PPP2R2B: variants seen among roughly 807,000 people sequenced by gnomAD.
PPP2R2B encodes serine/threonine-protein phosphatase 2A 55 kDa regulatory subunit B beta isoform.
A neutral mutation model predicts 46.0 loss-of-function variants in PPP2R2B; 5 were observed. The ratio of observed to expected loss-of-function variants is 0.11; its 90% CI spans 0.06 to 0.23. The LOEUF is 0.23. Ranked by LOEUF, PPP2R2B falls within the 10% of genes least tolerant of loss-of-function variation. PPP2R2B has a pLI of 1.00. For synonymous variants in PPP2R2B, 215 were observed against 206.7 expected, an observed-to-expected ratio of 1.04 and a Z score of -0.34; for missense variants, 367 against 575.0, an observed-to-expected ratio of 0.64 and a Z score of 3.70.
At chr5:146,592,009 T>C in intron 9 of PPP2R2B, 6 of 336,418 alleles carry the variant, frequency 1.8e-5, no homozygotes, top group South Asian at 1.3e-4. Flanking sequence ...TGAGCAATAA[T>C]AACAGATATG....
rs569203114 is a variant in PPP2R2B at position 146,581,092 on chromosome 5, T to G, written c.*8855A>C. Reference sequence around the variant, plus strand: ...TCATCAAGAAACATCACAAATTACCTCTATTAGTCTGTTCTTGCATTGCTA... The same window carrying G: ...TCATCAAGAAACATCACAAATTACCGCTATTAGTCTGTTCTTGCATTGCTA... On this transcript the variant is annotated 3_prime_UTR_variant, in exon 10 of 10. Transcript: ENST00000394411. The G allele has an allele frequency of 3.9e-5, 6 of 152,282 alleles. No individual in the cohort carries two copies. The South Asian group carries it at 1.2e-3, about 32-fold the overall frequency. 9.4% of individuals were successfully genotyped at this position (152,282 alleles called of 1,614,324 possible).
chr5:146,959,484 A>G (rs1035828994), intron 1 of PPP2R2B, among the ~76,000 whole-genome samples: 1 of 152,192 alleles, frequency 6.6e-6, no homozygotes, highest in Non-Finnish European at 1.5e-5. Context: ...ATCTCCACCC[A>G]GTACCTCACC....
At position 146,983,958 on chromosome 5, in the gene PPP2R2B, A is replaced by G. The variant is rs1324903773; in HGVS notation, c.79+71707T>C. Among the ~76,000 whole-genome samples, 5 of 152,106 alleles carry G rather than the reference A, an allele frequency of 3.3e-5. No individual in the cohort carries two copies. The East Asian group carries it at 9.6e-4, about 29-fold the overall frequency. ...TATTCTTTCTAAACATTTTTATTAT[A>G]AATTAATAATTTATAACTAAATGTA... On this transcript the variant is annotated intron_variant, in intron 1 of 8. Coordinates refer to the PPP2R2B transcript ENST00000336640.
chr5:146,897,580 C>G (rs1372962170), intron 1 of PPP2R2B, among the ~76,000 whole-genome samples: 1 of 152,088 alleles, frequency 6.6e-6, no homozygotes, highest in African/African-American at 2.4e-5. Flanking sequence ...TCACATATGA[C>G]TTGGCAATGG....
intron 6 of PPP2R2B, among the ~76,000 whole-genome samples, chr5:146,644,623 C>A (rs1775457587): frequency 6.6e-6 from 1 of 152,048 alleles, no homozygotes; most frequent in Non-Finnish European, 1.5e-5. Context: ...AAAATGGGGA[C>A]CAGAGATTGG....
intron 1 of PPP2R2B, among the ~76,000 whole-genome samples, chr5:146,906,832 C>T (rs1023396801): frequency 7.9e-5 from 12 of 152,176 alleles, no homozygotes; most frequent in Non-Finnish European, 1.5e-4. Context: ...ACACTGTATG[C>T]CCTTGTCAAA....
intron 1 of PPP2R2B, among the ~76,000 whole-genome samples, chr5:146,943,897 C>A (rs781111874): frequency 5.9e-5 from 9 of 152,172 alleles, no homozygotes; most frequent in Non-Finnish European, 1.2e-4. Context: ...CTTCTTCACA[C>A]TGGCCTTTTA....
At chr5:146,871,918 T>A (rs190389509) in intron 2 of PPP2R2B, among the ~76,000 whole-genome samples, 432 of 152,338 alleles carry the variant, frequency 2.8e-3, no homozygotes, top group Non-Finnish European at 4.6e-3. Context: ...CTCTGGGTTG[T>A]TGATGGAGAT....
At chr5:146,801,856 A>G (rs1756886578) in intron 2 of PPP2R2B, among the ~76,000 whole-genome samples, 1 of 152,200 alleles carries the variant, frequency 6.6e-6, no homozygotes, top group Admixed American at 6.6e-5. Context: ...AATTGCAATA[A>G]CAACTTCTCC....
rs144590920 is a variant in PPP2R2B at position 146,841,326 on chromosome 5, T to C, written c.70+36676A>G. 2.2e-3 allele frequency among the ~76,000 whole-genome samples: 330 copies of C among 152,296 alleles called. 1 individual carries two copies. The highest frequency in any genetic ancestry group is 7.6e-3 in the African/African-American group (314 of 41,564). The stretch of plus-strand genomic sequence containing the variant: ...CTCTTGGGTAAAAGGTCATTGGTTT[T>C]TATATCTTTGTAGAGTTTTTAAAGA... On this transcript the variant is annotated intron_variant, in intron 2 of 9. Transcript: ENST00000394411.
chr5:147,040,793 AAAGAT>A lies in PPP2R2B; in HGVS notation c.79+14867_79+14871del, dbSNP rs1471583347. The A allele has an allele frequency of 3.1e-5, 14 of 447,602 alleles. No individual in the cohort carries two copies. The Admixed American group carries it at 3.4e-4, about 11-fold the overall frequency. The allele number at this position is 447,602 out of a possible 1,614,324, so 27.7% of individuals were successfully genotyped here. On this transcript the variant is annotated intron_variant, in intron 1 of 8. Coordinates refer to the PPP2R2B transcript ENST00000336640. ...TGTGTAAATAGGGCCAATTTCAAGA[AAAGAT>A]GAGTTTCCTTAAAAAAAAAAAAAAA...
At position 147,069,785 on chromosome 5, in the gene PPP2R2B, G is replaced by GTTTTTTTTTTTTTTTTTTT. The variant is rs540998224; in HGVS notation, c.50+11255_50+11273dup. Among the ~76,000 whole-genome samples, 34 of 64,788 alleles carry GTTTTTTTTTTTTTTTTTTT rather than the reference G, an allele frequency of 5.2e-4. 10 individuals are homozygous for GTTTTTTTTTTTTTTTTTTT. Among genetic ancestry groups the GTTTTTTTTTTTTTTTTTTT allele is most frequent in the African/African-American group, 2.1e-3 (28 of 13,260 alleles). 42.5% of individuals were successfully genotyped at this position (64,788 alleles called of 152,430 possible). ...CTCCCACATGAACACATTTTATACT[G>GTTTTTTTTTTTTTTTTTTT]TTTTTTTTTTTTTTTTTTTTTTTGA... On this transcript the variant is annotated intron_variant, in intron 2 of 10. Coordinates refer to the PPP2R2B transcript ENST00000394413.
At chr5:146,896,561 C>A (rs1167212302) in intron 1 of PPP2R2B, among the ~76,000 whole-genome samples, 1 of 152,176 alleles carries the variant, frequency 6.6e-6, no homozygotes, top group Non-Finnish European at 1.5e-5. Flanking sequence ...TAAACAGTCA[C>A]CAGGATGATT....
At chr5:146,691,339 A>T in intron 4 of PPP2R2B, 99 bp from the exon 5 acceptor site, 1 of 886,392 alleles carries the variant, frequency 1.1e-6, no homozygotes, top group South Asian at 1.6e-5. Context: ...GTAAGGATGG[A>T]TAGAATTGCT....
chr5:146,996,765 T>C (rs1753941328), intron 1 of PPP2R2B, among the ~76,000 whole-genome samples: 1 of 152,092 alleles, frequency 6.6e-6, no homozygotes. Context: ...GTTTCCAATA[T>C]GGGGCCCAGT....
At chr5:146,940,228 G>T (rs182061766) in intron 1 of PPP2R2B, among the ~76,000 whole-genome samples, 1 of 152,274 alleles carries the variant, frequency 6.6e-6, no homozygotes, top group African/African-American at 2.4e-5. Context: ...TCTTAATAGA[G>T]CTACAAGTCT....
intron 6 of PPP2R2B, among the ~76,000 whole-genome samples, chr5:146,641,386 C>G (rs927260225): frequency 2.0e-5 from 3 of 152,232 alleles, no homozygotes; most frequent in Admixed American, 2.0e-4. Flanking sequence ...TGAAAAGACC[C>G]CCAGCTAATC....
chr5:146,915,477 C>CAT (rs1763352538), intron 1 of PPP2R2B, among the ~76,000 whole-genome samples: 2 of 142,780 alleles, frequency 1.4e-5, no homozygotes, highest in Non-Finnish European at 3.1e-5. Context: ...CACACACGTA[C>CAT]ACATGTGTGC....
intron 1 of PPP2R2B, among the ~76,000 whole-genome samples, chr5:146,963,082 CA>C (rs1381961463): frequency 6.6e-6 from 1 of 152,154 alleles, no homozygotes; most frequent in Non-Finnish European, 1.5e-5. Context: ...GGCAATTATT[CA>C]AGAACAAATT....
Sources: allele counts gnomAD v4.1 joint callset (sites outside exome capture counted in the v4.1 genomes callset), GRCh38; gene constraint gnomAD v4.1.1; transcripts MANE v1.5; gene names NCBI Gene and HGNC (gene_info 2026-07-23, HGNC 2026-07-21).